Variants in ROCK2 observed in about 807,000 individuals in gnomAD.
ROCK2 encodes the protein rho-associated protein kinase 2.
Under a neutral mutation model 195.1 loss-of-function variants are expected in ROCK2, and 61 were observed. The ratio of observed to expected loss-of-function variants is 0.31; its 90% CI spans 0.25 to 0.39. The LOEUF is 0.39. ROCK2 is among the 10% of genes least tolerant of loss of function. The pLI, the probability that ROCK2 is intolerant of heterozygous loss-of-function variation, is 1.00. For synonymous variants in ROCK2, 504 were observed against 545.5 expected, an observed-to-expected ratio of 0.92 and a Z score of 1.06; for missense variants, 1,109 against 1,637.4, an observed-to-expected ratio of 0.68 and a Z score of 5.57.
At chr2:11,196,158 A>G (rs1350225833) in intron 27 of ROCK2, among the ~76,000 whole-genome samples, 2 of 152,210 alleles carry the variant, frequency 1.3e-5, no homozygotes, top group Non-Finnish European at 2.9e-5. Flanking sequence ...TGCAGTCTTG[A>G]AAGATCACAC....
In ROCK2 at chr2:11,256,148, T is replaced by C. The variant is rs1463302907; in HGVS notation, c.325-6350A>G. Among the ~76,000 whole-genome samples, 3 of 151,056 alleles carry C rather than the reference T, an allele frequency of 2.0e-5. 1 individual carries two copies. The highest frequency in any genetic ancestry group is 4.9e-5 in the African/African-American group (2 of 40,436). The stretch of plus-strand genomic sequence containing the variant: ...ATAAAAACTGATTAAAAAGCAATTA[T>C]AGTTCACATACTTATATATAATAAT... On this transcript the variant is annotated intron_variant, in intron 3 of 32. Transcript: ENST00000315872.
At chr2:11,316,106 C>G (rs568219668) in intron 1 of ROCK2, among the ~76,000 whole-genome samples, 72 of 152,028 alleles carry the variant, frequency 4.7e-4, no homozygotes, top group Non-Finnish European at 2.6e-4. Flanking sequence ...CTACTCAATA[C>G]AACTACCCTC....
At chr2:11,304,835 C>T (rs1355458863) in intron 1 of ROCK2, among the ~76,000 whole-genome samples, 1 of 152,198 alleles carries the variant, frequency 6.6e-6, no homozygotes, top group Non-Finnish European at 1.5e-5. Context: ...AGGAAGGTAG[C>T]TCAGTGGCAG....
intron 4 of ROCK2, among the ~76,000 whole-genome samples, chr2:11,237,634 A>C (rs1268360346): frequency 6.6e-6 from 1 of 152,262 alleles, no homozygotes; most frequent in Non-Finnish European, 1.5e-5. Flanking sequence ...TGAATATAAA[A>C]GGCAACATAG....
intron 12 of ROCK2, among the ~76,000 whole-genome samples, chr2:11,216,514 CTTTT>C (rs78853931): frequency 7.2e-6 from 1 of 139,390 alleles, no homozygotes; most frequent in Non-Finnish European, 1.6e-5. Flanking sequence ...TTTCTTTTTT[CTTTT>C]TTTTTTTTTT....
chr2:11,238,751 T>C (rs1314156491), intron 4 of ROCK2, among the ~76,000 whole-genome samples: 1 of 151,926 alleles, frequency 6.6e-6, no homozygotes, highest in Non-Finnish European at 1.5e-5. Context: ...GAGGCTGAGG[T>C]GGGAAGATCG....
At chr2:11,227,105 C>A (rs1019504865) in intron 6 of ROCK2, 149 bp downstream of exon 6, 2 of 622,990 alleles carry the variant, frequency 3.2e-6, no homozygotes, top group Non-Finnish European at 2.8e-6. Context: ...TAACAGTCTG[C>A]CCTATCAGAT....
rs761484968 is a variant in ROCK2 at position 11,215,372 on chromosome 2, T to C, written c.1638A>G (p.Arg546=). 5.0e-6 allele frequency: 8 copies of C among 1,607,702 alleles called. 1 individual carries two copies. In the African/African-American group the frequency reaches 9.4e-5, roughly 19 times the overall value. ...LKDQLEDLKK[R]NQNSQISTEK... ...CAGTGGATATTTGAGAGTTTTGATT[T>C]CTTTTTTTCAAATCTTCAAGTTGAT... Residue 546 remains arginine, a synonymous_variant, in exon 15 of 33, where the codon AGA becomes AGG. Coordinates refer to ENST00000315872, the MANE Select transcript of ROCK2 (RefSeq NM_004850.5).
At chr2:11,211,966 T>C in intron 17 of ROCK2, 126 bp from the exon 18 acceptor site, 1 of 660,190 alleles carries the variant, frequency 1.5e-6, no homozygotes, top group Non-Finnish European at 2.3e-6. Context: ...AGTGCAGTGG[T>C]TTGATTATGG....
In ROCK2 at chr2:11,318,949, T is replaced by C. The variant is rs146536301; in HGVS notation, c.141+25047A>G. Among the ~76,000 whole-genome samples the C allele has an allele frequency of 6.5e-3, 992 of 152,324 alleles. 12 individuals are homozygous for C. Among genetic ancestry groups the C allele is most frequent in the African/African-American group, 0.023 (965 of 41,566 alleles). ...TATTATTTCTGAGGGCTCCGTTCTG[T>C]TCCATTGGTCTATATCTCTGTTTTG... is the stretch of plus-strand genomic sequence containing the variant. On this transcript the variant is annotated intron_variant, in intron 1 of 32. Transcript: ENST00000315872.
At chr2:11,206,610 T>C (rs1213700113) in intron 20 of ROCK2, among the ~76,000 whole-genome samples, 1 of 152,240 alleles carries the variant, frequency 6.6e-6, no homozygotes, top group Non-Finnish European at 1.5e-5. Flanking sequence ...CAAAGTCTAC[T>C]TGAATATTTT....
At chr2:11,229,197 A>G (rs996151667) in intron 5 of ROCK2, among the ~76,000 whole-genome samples, 12 of 152,196 alleles carry the variant, frequency 7.9e-5, no homozygotes, top group African/African-American at 2.9e-4. Context: ...AACTATGTGA[A>G]TAACACTCTG....
intron 3 of ROCK2, among the ~76,000 whole-genome samples, chr2:11,274,637 T>C (rs11904196): frequency 0.017 from 2,658 of 152,280 alleles, 83 homozygotes; most frequent in African/African-American, 0.061. Context: ...TTTCCTGACA[T>C]AGAAAAGCTC....
At chr2:11,336,371 T>A (rs964065593) in intron 1 of ROCK2, among the ~76,000 whole-genome samples, 20 of 152,190 alleles carry the variant, frequency 1.3e-4, no homozygotes, top group Admixed American at 4.6e-4. Context: ...TGCCTCAGCC[T>A]CCTGGGCAGC....
intron 17 of ROCK2, among the ~76,000 whole-genome samples, chr2:11,212,236 G>T (rs1006604006): frequency 1.3e-5 from 2 of 151,894 alleles, no homozygotes; most frequent in African/African-American, 4.8e-5. Context: ...TTTTTAACAG[G>T]CTTAACTAGA....
At chr2:11,303,861 T>TAC (rs142235248) in intron 1 of ROCK2, among the ~76,000 whole-genome samples, 3,446 of 152,310 alleles carry the variant, frequency 0.023, 61 homozygotes, top group East Asian at 0.053. Context: ...GTTCACATCT[T>TAC]ACTTGACCTA....
chr2:11,201,997 A>C lies in ROCK2; in HGVS notation c.2619+55T>G. On this transcript the variant is annotated intron_variant, in intron 21 of 32. Coordinates refer to ENST00000315872, the MANE Select transcript of ROCK2 (RefSeq NM_004850.5). This position sits in a 1 kb window ranked among gnomAD's most constrained non-coding sequence, Gnocchi z 4.6. ...ATATGAGTTGTATGGTATAAATAAA[A>C]TATCCCAACCAAAACTCTGTTTGCT... 7.4e-7 allele frequency: 1 copy of C among 1,346,386 alleles called. No homozygotes were observed. Among genetic ancestry groups the C allele is most frequent in the Non-Finnish European group, 1.1e-6 (1 of 937,308 alleles). 83.4% of individuals were successfully genotyped at this position (1,346,386 alleles called of 1,614,324 possible).
intron 1 of ROCK2, among the ~76,000 whole-genome samples, chr2:11,317,612 A>ATATATAT (rs59701503): frequency 4.1e-4 from 8 of 19,300 alleles, no homozygotes; most frequent in African/African-American, 1.1e-3. Context: ...ATATATATAT[A>ATATATAT]TTTTTTTTTT....
intron 4 of ROCK2, 32 bp downstream of exon 4, chr2:11,249,629 G>A (rs771051751): frequency 2.8e-6 from 4 of 1,418,630 alleles, no homozygotes; most frequent in East Asian, 2.5e-5. Flanking sequence ...CATAAAAAAA[G>A]GAAATAAACT....
Sources: gnomAD v4.1 joint callset for allele counts (sites outside exome capture counted in the v4.1 genomes callset) on GRCh38, gnomAD v4.1.1 for gene constraint, Gnocchi (gnomAD v3.1) non-coding constraint, MANE v1.5 for transcripts, NCBI Gene and HGNC (gene_info 2026-07-23, HGNC 2026-07-21) for gene names.